ARMH4: variants seen among roughly 807,000 people sequenced by gnomAD.
The protein encoded by ARMH4 is armadillo like helical domain containing 4, also known as armadillo-like helical domain-containing protein 4.
In ARMH4, 49 loss-of-function variants were observed where a neutral mutation model predicts 61.9. The observed-to-expected ratio is 0.79, with a 90% CI of 0.63 to 1.00. The LOEUF (loss-of-function observed/expected upper bound fraction) is 1.00. ARMH4 is among the 50% of genes least tolerant of loss of function. The pLI is 0.00. For synonymous variants in ARMH4, 368 were observed against 341.5 expected, an observed-to-expected ratio of 1.08 and a Z score of -0.85; for missense variants, 934 against 930.0, an observed-to-expected ratio of 1.00 and a Z score of -0.06.
intron 5 of ARMH4, among the ~76,000 whole-genome samples, chr14:58,092,675 C>T (rs555015521): frequency 6.6e-6 from 1 of 152,274 alleles, no homozygotes; most frequent in East Asian, 1.9e-4. Flanking sequence ...ATGGCTACAT[C>T]ACTCCGACCT....
chr14:58,149,256 T>G (rs1203153748), intron 1 of ARMH4, among the ~76,000 whole-genome samples: 1 of 152,222 alleles, frequency 6.6e-6, no homozygotes, highest in African/African-American at 2.4e-5. Context: ...TCTGATTCAC[T>G]GTGCTACTGA....
intron 4 of ARMH4, among the ~76,000 whole-genome samples, chr14:58,113,930 T>A (rs1011969739): frequency 1.3e-5 from 2 of 152,128 alleles, no homozygotes; most frequent in Non-Finnish European, 2.9e-5. Flanking sequence ...GACTTTTTTT[T>A]ATTTCTTTAA....
At chr14:58,076,637 C>G (rs1487429707) in intron 5 of ARMH4, among the ~76,000 whole-genome samples, 1 of 152,100 alleles carries the variant, frequency 6.6e-6, no homozygotes, top group Non-Finnish European at 1.5e-5. Flanking sequence ...TAAATTATAT[C>G]TCAGTAAAGT....
chr14:58,041,541 A>G (rs991765084), intron 5 of ARMH4, among the ~76,000 whole-genome samples: 5 of 152,144 alleles, frequency 3.3e-5, no homozygotes, highest in Non-Finnish European at 5.9e-5. Flanking sequence ...ATCAACTAAC[A>G]AGCAAAATAA....
At chr14:58,030,419 A>G (rs1221230722) in intron 5 of ARMH4, among the ~76,000 whole-genome samples, 2 of 152,248 alleles carry the variant, frequency 1.3e-5, no homozygotes, top group African/African-American at 4.8e-5. Flanking sequence ...AGGGAAAAGA[A>G]GCAAAACCAC....
chr14:58,137,957 A>G (rs768534999), intron 2 of ARMH4, 33 bp downstream of exon 2: 92 of 1,564,556 alleles, frequency 5.9e-5, no homozygotes, highest in Non-Finnish European at 7.3e-5. Flanking sequence ...TCCAAATTAA[A>G]CCAAAGTTTG....
At chr14:58,118,507 C>CG (rs1886608683) in intron 4 of ARMH4, among the ~76,000 whole-genome samples, 1 of 20,880 alleles carries the variant, frequency 4.8e-5, no homozygotes, top group African/African-American at 1.9e-4. Context: ...TATGCGGGGG[C>CG]GGGGGTGGGG....
chr14:58,100,725 A>T (rs1885941148), intron 4 of ARMH4, among the ~76,000 whole-genome samples: 1 of 152,108 alleles, frequency 6.6e-6, no homozygotes, highest in African/African-American at 2.4e-5. Flanking sequence ...ATCCGAAAGG[A>T]GTGGCACCCC....
intron 5 of ARMH4, among the ~76,000 whole-genome samples, chr14:58,089,531 G>C (rs1208180130): frequency 1.3e-5 from 2 of 152,180 alleles, no homozygotes; most frequent in African/African-American, 4.8e-5. Flanking sequence ...CAAAACACAT[G>C]CATCTTATGT....
intron 5 of ARMH4, among the ~76,000 whole-genome samples, chr14:58,082,107 TAACAGTCAGTC>T (rs1281362090): frequency 3.3e-5 from 5 of 152,326 alleles, no homozygotes; most frequent in Admixed American, 3.3e-4. Flanking sequence ...TGGTTAAACT[TAACAGTCAGTC>T]AAAGATTATG....
At chr14:58,033,308 G>T (rs533031613) in intron 5 of ARMH4, among the ~76,000 whole-genome samples, 1 of 104,768 alleles carries the variant, frequency 9.5e-6, no homozygotes, top group African/African-American at 3.3e-5. Context: ...CACCTCACAC[G>T]GCAGGGTATT....
chr14:58,082,149 T>C (rs1885248703), intron 5 of ARMH4, among the ~76,000 whole-genome samples: 1 of 152,208 alleles, frequency 6.6e-6, no homozygotes, highest in Non-Finnish European at 1.5e-5. Flanking sequence ...CTGGGTCATG[T>C]TGGAAAAAGC....
chr14:58,150,649 A>C (rs182012118), intron 1 of ARMH4, among the ~76,000 whole-genome samples: 23 of 152,312 alleles, frequency 1.5e-4, no homozygotes, highest in Middle Eastern at 3.4e-3. Context: ...TGCTGTAGCT[A>C]CCTTAGACTT....
intron 2 of ARMH4, among the ~76,000 whole-genome samples, chr14:58,134,290 C>A (rs1887231574): frequency 6.6e-6 from 1 of 152,130 alleles, no homozygotes; most frequent in Non-Finnish European, 1.5e-5. Context: ...GCTTTCAGAT[C>A]AGAAAAGGAA....
At chr14:58,084,096 T>G (rs1323735771) in intron 5 of ARMH4, among the ~76,000 whole-genome samples, 5 of 152,094 alleles carry the variant, frequency 3.3e-5, no homozygotes, top group Admixed American at 1.3e-4. Context: ...TGAAGCCTCT[T>G]GGGATCCCAG....
intron 5 of ARMH4, among the ~76,000 whole-genome samples, chr14:58,041,039 C>T (rs765805794): frequency 2.0e-5 from 3 of 152,174 alleles, no homozygotes; most frequent in Non-Finnish European, 2.9e-5. Context: ...GCGTGAGCGA[C>T]GCAGAAGACG....
chr14:58,152,096 G>C lies in ARMH4; in HGVS notation c.-78C>G, dbSNP rs1249567081. On this transcript the variant is annotated 5_prime_UTR_variant, in exon 1 of 8. Coordinates refer to ENST00000267485, the MANE Select transcript of ARMH4 (RefSeq NM_001001872.4). ...TCACCTGTGCGCCTTCAGCTGAGCA[G>C]CGCGCGGAGGACAGAGGCAGCGGCG... 1.9e-5 allele frequency: 3 copies of C among 154,752 alleles called. No individual in the cohort carries two copies. The highest frequency in any genetic ancestry group is 7.2e-5 in the African/African-American group (3 of 41,456). 9.6% of individuals were successfully genotyped at this position (154,752 alleles called of 1,614,324 possible). A position where few individuals can be genotyped will look rare whatever the true frequency, so the allele number is the denominator to read the frequency against.
chr14:58,047,938 C>T (rs545474527), intron 5 of ARMH4, among the ~76,000 whole-genome samples: 13 of 152,018 alleles, frequency 8.6e-5, no homozygotes, highest in Non-Finnish European at 1.8e-4. Context: ...GAACAGAAAC[C>T]AAGGAAACCA....
At chr14:58,030,728 G>A (rs1019220930) in intron 5 of ARMH4, among the ~76,000 whole-genome samples, 2 of 152,196 alleles carry the variant, frequency 1.3e-5, no homozygotes, top group African/African-American at 4.8e-5. Context: ...GTCTTTTGGG[G>A]ATGGGCTTGT....
Sources: allele counts gnomAD v4.1 joint callset (sites outside exome capture counted in the v4.1 genomes callset), GRCh38; gene constraint gnomAD v4.1.1; transcripts MANE v1.5; gene names NCBI Gene and HGNC (gene_info 2026-07-23, HGNC 2026-07-21).